Variants in CRACDL observed in about 807,000 individuals in gnomAD.
CRACDL encodes the protein CRACD like, also known as CRACD-like protein.
A neutral mutation model predicts 70.6 loss-of-function variants in CRACDL; 26 were observed. The ratio of observed to expected loss-of-function variants is 0.37; its 90% CI spans 0.27 to 0.51. CRACDL has a LOEUF of 0.51. Ranked by LOEUF, CRACDL falls within the 20% of genes least tolerant of loss-of-function variation. The pLI, the probability that CRACDL is intolerant of heterozygous loss-of-function variation, is 0.94. For synonymous variants in CRACDL, 618 were observed against 615.2 expected, an observed-to-expected ratio of 1.00 and a Z score of -0.07; for missense variants, 1,283 against 1,376.9, an observed-to-expected ratio of 0.93 and a Z score of 1.08.
chr2:98,801,769 A>G (rs1704087023), intron 7 of CRACDL, among the ~76,000 whole-genome samples: 1 of 152,166 alleles, frequency 6.6e-6, no homozygotes, highest in Non-Finnish European at 1.5e-5. Flanking sequence ...CACTGTCTAC[A>G]CTTCCCAGCG....
Position 98,922,309 on chromosome 2 carries a change from G to A in CRACDL, c.-11+13629C>T, listed in dbSNP as rs1436310533. On this transcript the variant is annotated intron_variant, in intron 1 of 9. Coordinates refer to ENST00000397899, the MANE Select transcript of CRACDL (RefSeq NM_207362.3). ...ACACCCATGCACCGGGCATGGTGGTGCACGCCTGTAGTCCCAGCTACTCAG... is the reference window on the plus strand; with the variant it reads ...ACACCCATGCACCGGGCATGGTGGTACACGCCTGTAGTCCCAGCTACTCAG... Among the ~76,000 whole-genome samples the A allele has an allele frequency of 9.2e-5, 14 of 151,510 alleles. No homozygotes were observed. In the East Asian group the frequency reaches 2.1e-3, roughly 23 times the overall value.
chr2:98,925,764 A>T (rs749725152), intron 1 of CRACDL, among the ~76,000 whole-genome samples: 1 of 152,206 alleles, frequency 6.6e-6, no homozygotes, highest in Non-Finnish European at 1.5e-5. Flanking sequence ...ATTAAATAAG[A>T]TGAAAAAGGT....
At chr2:98,916,110 A>C (rs920876878) in intron 1 of CRACDL, among the ~76,000 whole-genome samples, 5 of 152,220 alleles carry the variant, frequency 3.3e-5, no homozygotes, top group Non-Finnish European at 7.3e-5. Context: ...CCTAATTATC[A>C]AGTGATTCAT....
chr2:98,872,694 G>A (rs937742911), intron 1 of CRACDL, among the ~76,000 whole-genome samples: 2 of 152,360 alleles, frequency 1.3e-5, no homozygotes, highest in African/African-American at 2.4e-5. Context: ...GCTGCAGCCC[G>A]AGATGCTTGC....
chr2:98,838,882 C>T (rs189517914), intron 2 of CRACDL, among the ~76,000 whole-genome samples: 71 of 152,290 alleles, frequency 4.7e-4, no homozygotes, highest in Non-Finnish European at 8.4e-4. Flanking sequence ...CTCTGCCATG[C>T]TTCCTGGATT....
In CRACDL at chr2:98,823,193, G is replaced by C; in HGVS notation, c.1080C>G (p.Gly360=). ...CGCCGTCGGGACCGGGATTCGGGGG[G>C]CCCTCCGGCGGGGACGGGGGCTCCA... ...LRVEPPSPPE[G]PPNPGPDGGK... The change falls in exon 7 of 10, where the codon GGC becomes GGG. Residue 360 remains glycine, a synonymous_variant. Transcript: ENST00000397899. The surrounding 1 kb of genome is among the most constrained non-coding windows in gnomAD (Gnocchi z 4.0). The C allele has an allele frequency of 6.8e-7, 1 of 1,464,960 alleles. No individual in the cohort carries two copies. Among genetic ancestry groups the C allele is most frequent in the Non-Finnish European group, 9.0e-7 (1 of 1,109,162 alleles). 90.7% of individuals were successfully genotyped at this position (1,464,960 alleles called of 1,614,324 possible).
intron 1 of CRACDL, among the ~76,000 whole-genome samples, chr2:98,857,395 T>C (rs531696264): frequency 6.6e-6 from 1 of 152,282 alleles, no homozygotes; most frequent in East Asian, 1.9e-4. Flanking sequence ...AGATGTAATA[T>C]GTACAACAAT....
intron 2 of CRACDL, chr2:98,840,827 T>A (rs1427993787): frequency 6.6e-6 from 1 of 152,176 alleles, no homozygotes; most frequent in African/African-American, 2.4e-5. Context: ...TTATGTTTAG[T>A]TATGTTTTTT....
At chr2:98,809,108 A>G (rs1291732201) in intron 7 of CRACDL, among the ~76,000 whole-genome samples, 1 of 152,148 alleles carries the variant, frequency 6.6e-6, no homozygotes, top group Non-Finnish European at 1.5e-5. Context: ...TTAATTCAGT[A>G]ATTAAAATGT....
chr2:98,871,092 T>C (rs1482236545), intron 1 of CRACDL, among the ~76,000 whole-genome samples: 1 of 152,256 alleles, frequency 6.6e-6, no homozygotes, highest in Non-Finnish European at 1.5e-5. Context: ...GTTACCTCTC[T>C]GCTCAAATTT....
At chr2:98,820,694 C>T (rs1218861840) in intron 7 of CRACDL, among the ~76,000 whole-genome samples, 1 of 152,258 alleles carries the variant, frequency 6.6e-6, no homozygotes, top group Admixed American at 6.5e-5. Flanking sequence ...TGTCTCTGCT[C>T]ATTTCAAAAG....
intron 7 of CRACDL, among the ~76,000 whole-genome samples, chr2:98,813,561 T>G (rs1704660959): frequency 6.6e-6 from 1 of 152,144 alleles, no homozygotes; most frequent in Admixed American, 6.5e-5. Context: ...TCTCACATCA[T>G]ATACAAAATG....
intron 1 of CRACDL, among the ~76,000 whole-genome samples, chr2:98,855,306 T>C (rs1320831625): frequency 6.6e-6 from 1 of 151,952 alleles, no homozygotes; most frequent in Non-Finnish European, 1.5e-5. Flanking sequence ...AAAAAAGTTC[T>C]TGTTCTTTGG....
intron 1 of CRACDL, among the ~76,000 whole-genome samples, chr2:98,929,453 C>T (rs1292440878): frequency 2.6e-5 from 4 of 152,188 alleles, no homozygotes; most frequent in African/African-American, 4.8e-5. Flanking sequence ...AGACTCCAAG[C>T]AGCATCTACA....
At chr2:98,880,493 A>T (rs1484334697) in intron 1 of CRACDL, among the ~76,000 whole-genome samples, 1 of 152,194 alleles carries the variant, frequency 6.6e-6, no homozygotes, top group East Asian at 1.9e-4. Flanking sequence ...AGTGAGTGAC[A>T]TCGCTGCATC....
At chr2:98,903,637 C>T (rs538772159) in intron 1 of CRACDL, among the ~76,000 whole-genome samples, 1 of 152,164 alleles carries the variant, frequency 6.6e-6, no homozygotes, top group Non-Finnish European at 1.5e-5. Context: ...AGGAATAATT[C>T]TTTTTCCTAA....
At chr2:98,868,761 G>A (rs1173123788) in intron 1 of CRACDL, among the ~76,000 whole-genome samples, 1 of 152,106 alleles carries the variant, frequency 6.6e-6, no homozygotes, top group Non-Finnish European at 1.5e-5. Context: ...GTGTAAACAC[G>A]GTATGGTAAG....
chr2:98,880,015 C>T (rs1457919439), intron 1 of CRACDL, among the ~76,000 whole-genome samples: 2 of 152,236 alleles, frequency 1.3e-5, no homozygotes, highest in African/African-American at 4.8e-5. Context: ...CTGTAAAGTG[C>T]GTGTGCACGG....
chr2:98,826,010 G>C lies in CRACDL; in HGVS notation c.735+965C>G, dbSNP rs536490322. On this transcript the variant is annotated intron_variant, in intron 6 of 9. Transcript: ENST00000397899. ...GGAAGGACAGAGGACATTAGCCTGT[G>C]AGCATCTCTTTATCAGCACTGTCAT... Among the ~76,000 whole-genome samples, 112 of 152,298 alleles carry C rather than the reference G, an allele frequency of 7.4e-4. 1 individual carries two copies. The highest frequency in any genetic ancestry group is 1.2e-3 in the South Asian group (6 of 4,826).
Sources: allele counts gnomAD v4.1 joint callset (sites outside exome capture counted in the v4.1 genomes callset), GRCh38; gene constraint gnomAD v4.1.1; non-coding constraint Gnocchi (gnomAD v3.1); transcripts MANE v1.5; gene names NCBI Gene and HGNC (gene_info 2026-07-23, HGNC 2026-07-21).